The following NCKAP5L variants were observed in gnomAD, a reference collection of about 807,000 sequenced individuals.
NCKAP5L encodes the protein nck-associated protein 5-like.
NCKAP5L carries 54 observed loss-of-function variants against 103.2 expected under a neutral mutation model. That is an observed-to-expected ratio of 0.52 (90% CI 0.42 to 0.66). NCKAP5L has a LOEUF of 0.66. NCKAP5L is among the 30% of genes least tolerant of loss of function. The pLI, the probability that NCKAP5L is intolerant of heterozygous loss-of-function variation, is 0.00. For synonymous variants in NCKAP5L, 762 were observed against 748.6 expected (o/e 1.02, Z -0.29); for missense variants, 1,733 against 1,750.6 (o/e 0.99, Z 0.18).
chr12:49,811,827 CCAAATTTCAAAAAATACTCTAGATACTT>C (rs1946243506), intron 1 of NCKAP5L, among the ~76,000 whole-genome samples: 1 of 152,034 alleles, frequency 6.6e-6, no homozygotes, highest in Non-Finnish European at 1.5e-5. Flanking sequence ...CCAGATACTG[CCAAATTTCAAAAAATACTCTAGATACTT>C]CAAAGCCAAA....
At chr12:49,793,291 G>T (rs1394605031) in intron 10 of NCKAP5L, 61 bp downstream of exon 10, 3 of 1,507,280 alleles carry the variant, frequency 2.0e-6, no homozygotes, top group African/African-American at 1.4e-5. Context: ...AAGAAGTAAA[G>T]TGGGAAGAAG....
At chr12:49,793,089 C>A in intron 10 of NCKAP5L, 103 bp from the exon 11 acceptor site, 1 of 992,428 alleles carries the variant, frequency 1.0e-6, no homozygotes, top group Non-Finnish European at 1.4e-6. Flanking sequence ...TACTCAGGGC[C>A]CCTCCTGGCC....
rs1192426736 is a variant in NCKAP5L, at chr12:49,806,379, T to C, written c.-98-338A>G. 2.0e-5 allele frequency among the ~76,000 whole-genome samples: 3 copies of C among 152,392 alleles called. No homozygotes were observed. The East Asian group carries it at 5.8e-4, about 29-fold the overall frequency. On this transcript the variant is annotated intron_variant, in intron 1 of 12. Coordinates refer to ENST00000335999, the MANE Select transcript of NCKAP5L (RefSeq NM_001037806.4). ...CACCTGGTACTTTACAACCCGGTTC[T>C]ACAACATACATTGTCTTGCCTCGTG...
At position 49,793,830 on chromosome 12, in the gene NCKAP5L, C is replaced by T. The variant is rs1292922352; in HGVS notation, c.3162G>A (p.Gln1054=). ...REPKPEYGDF[Q]PVSSDPKSPW... ...GGCTCTTGGGGTCAGAAGACACCGG[C>T]TGGAAATCCCCGTACTCAGGCTTGG... Residue 1054 remains glutamine, a synonymous_variant, in exon 9 of 13, where the codon CAG becomes CAA. Coordinates refer to ENST00000335999, the MANE Select transcript of NCKAP5L (RefSeq NM_001037806.4). 6.3e-6 allele frequency: 10 copies of T among 1,590,322 alleles called. No homozygotes were observed. The highest frequency in any genetic ancestry group is 8.6e-6 in the Non-Finnish European group (10 of 1,168,844).
intron 6 of NCKAP5L, among the ~76,000 whole-genome samples, chr12:49,801,226 C>T (rs1220081829): frequency 6.6e-6 from 1 of 152,198 alleles, no homozygotes; most frequent in Non-Finnish European, 1.5e-5. Context: ...AAGGGGCTGG[C>T]TAACCTCAGA....
intron 1 of NCKAP5L, among the ~76,000 whole-genome samples, chr12:49,827,780 C>T (rs1946435443): frequency 6.6e-6 from 1 of 152,222 alleles, no homozygotes; most frequent in Non-Finnish European, 1.5e-5. Flanking sequence ...GAGACCCGGT[C>T]TTTCCGCCTC....
At chr12:49,813,914 C>T (rs1207686239) in intron 1 of NCKAP5L, among the ~76,000 whole-genome samples, 1 of 152,058 alleles carries the variant, frequency 6.6e-6, no homozygotes, top group Non-Finnish European at 1.5e-5. Flanking sequence ...TAACTTCAGA[C>T]TCCTAGGCTC....
Position 49,796,814 on chromosome 12 carries a change from G to T in NCKAP5L, c.1046C>A (p.Pro349Gln). ...LQAFLAGAAGPLNGDHPGPGQ... is the reference protein window; with the variant it reads ...LQAFLAGAAGQLNGDHPGPGQ... ...AGGACCTGGGTGGTCCCCATTGAGT[G>T]GGCCTGCAGCCCCGGCCAGGAAGGC... The change falls in exon 8 of 13, where the codon CCA (proline) becomes CAA (glutamine). Residue 349 changes from proline (P) to glutamine (Q), a missense_variant. By Grantham distance (76) the Pro-to-Gln change is moderately conservative. Transcript: ENST00000335999. 1 of 1,613,496 alleles carries T rather than the reference G, an allele frequency of 6.2e-7. No homozygotes were observed. Among genetic ancestry groups the T allele is most frequent in the Non-Finnish European group, 8.5e-7 (1 of 1,179,812 alleles).
At chr12:49,818,396 G>A (rs1294015825) in intron 1 of NCKAP5L, among the ~76,000 whole-genome samples, 2 of 141,664 alleles carry the variant, frequency 1.4e-5, no homozygotes, top group Non-Finnish European at 1.6e-5. Context: ...AGGCTGGAGT[G>A]CAGGCTGGTT....
chr12:49,793,735 T>A lies in NCKAP5L; in HGVS notation c.3257A>T (p.Lys1086Met). 1 of 1,548,944 alleles carries A rather than the reference T, an allele frequency of 6.5e-7. No individual in the cohort carries two copies. The highest frequency in any genetic ancestry group is 8.7e-7 in the Non-Finnish European group (1 of 1,147,824). The change falls in exon 9 of 13, where the codon AAG becomes ATG. Residue 1086 changes from lysine (K) to methionine (M), a missense_variant and splice_region_variant. Transcript: ENST00000335999. Reference protein sequence around the residue: ...PLQGCGKPPGKPSSEPGRREE... With the variant: ...PLQGCGKPPGMPSSEPGRREE... ...CCAGTCCCTACCCCAAGAACTTACCTTTCCAGGAGGTTTTCCGCAGCCCTG... is the reference window on the plus strand; with the variant it reads ...CCAGTCCCTACCCCAAGAACTTACCATTCCAGGAGGTTTTCCGCAGCCCTG...
chr12:49,808,165 C>T (rs1193871508), intron 1 of NCKAP5L, among the ~76,000 whole-genome samples: 1 of 152,196 alleles, frequency 6.6e-6, no homozygotes, highest in Non-Finnish European at 1.5e-5. Flanking sequence ...GGCATGGCCC[C>T]GATCCACAGC....
At chr12:49,814,411 G>A (rs570665375) in intron 1 of NCKAP5L, among the ~76,000 whole-genome samples, 8 of 150,710 alleles carry the variant, frequency 5.3e-5, no homozygotes, top group Admixed American at 5.3e-4. Flanking sequence ...GTGAACCCGG[G>A]AGGTGGAGGC....
intron 1 of NCKAP5L, among the ~76,000 whole-genome samples, chr12:49,823,741 C>T (rs182540873): frequency 2.8e-4 from 42 of 152,112 alleles, no homozygotes; most frequent in African/African-American, 9.9e-4. Context: ...CTCTTCTCAG[C>T]AGCTGCTGGT....
rs1458137120 is a variant in NCKAP5L at position 49,795,902 on chromosome 12, GGTC to G, written c.1955_1957del (p.Arg652del). ...CAGAGGTGTGCTGCCAGGATCCCCAGGTCGCCGTCCTGACCCCTGGCTGGGCTT... is the reference window on the plus strand; with the variant it reads ...CAGAGGTGTGCTGCCAGGATCCCCAGGCCGTCCTGACCCCTGGCTGGGCTT... On this transcript the variant is annotated inframe_deletion, in exon 8 of 13. Coordinates refer to ENST00000335999, the MANE Select transcript of NCKAP5L (RefSeq NM_001037806.4). 3.9e-6 allele frequency: 6 copies of G among 1,536,800 alleles called. No individual in the cohort carries two copies. The highest frequency in any genetic ancestry group is 5.2e-6 in the Non-Finnish European group (6 of 1,148,686).
Position 49,792,477 on chromosome 12 carries a change from C to T in NCKAP5L, c.3761G>A (p.Arg1254Gln), listed in dbSNP as rs199863130. The stretch of plus-strand genomic sequence containing the variant: ...GGTCCTGGGCAGCCCCTCCAGTTGT[C>T]GGGGTGGGCACATGAGAGGGTCCGA... ...SSSDPLMCPP[R>Q]QLEGLPRTPM... The change falls in exon 12 of 13, where the codon CGA becomes CAA. Residue 1254 changes from arginine to glutamine, a missense_variant. Physicochemically the swap from Arg to Gln is conservative, Grantham distance 43 (BLOSUM62 1). Transcript: ENST00000335999. This position sits in a 1 kb window ranked among gnomAD's most constrained non-coding sequence, Gnocchi z 4.5. 1.9e-5 allele frequency: 31 copies of T among 1,613,266 alleles called. No homozygotes were observed. The African/African-American group carries it at 2.0e-4, about 10-fold the overall frequency.
chr12:49,801,668 C>G (rs1946119233), intron 6 of NCKAP5L, among the ~76,000 whole-genome samples, 180 bp downstream of exon 6: 1 of 152,172 alleles, frequency 6.6e-6, no homozygotes, highest in South Asian at 2.1e-4. Flanking sequence ...TGGTGGGGAG[C>G]ACTGGGAGGA....
chr12:49,794,829 C>A lies in NCKAP5L; in HGVS notation c.3031G>T (p.Val1011Leu). 6.5e-7 allele frequency: 1 copy of A among 1,541,962 alleles called. No individual in the cohort carries two copies. Among genetic ancestry groups the A allele is most frequent in the Non-Finnish European group, 8.7e-7 (1 of 1,144,494 alleles). Residue 1011 changes from valine to leucine, a missense_variant, in exon 8 of 13, where the codon GTG becomes TTG. Coordinates refer to ENST00000335999, the MANE Select transcript of NCKAP5L (RefSeq NM_001037806.4). ...TACATGCCAGCCAGCTGGCCCTGCACCTGCCCCAGCCCCGTGTTGGGCCCT... is the reference window on the plus strand; with the variant it reads ...TACATGCCAGCCAGCTGGCCCTGCAACTGCCCCAGCCCCGTGTTGGGCCCT... ...APGPNTGLGQ[V>L]QGQLAGMYQG...
Position 49,803,175 on chromosome 12 carries a change from T to TGAGGGAGGAAGAGGGCAAA in NCKAP5L, c.124-29_124-11dup, listed in dbSNP as rs544792773. 3.7e-4 allele frequency: 596 copies of TGAGGGAGGAAGAGGGCAAA among 1,613,694 alleles called. 2 individuals are homozygous for TGAGGGAGGAAGAGGGCAAA. The African/African-American group carries it at 7.1e-3, about 19-fold the overall frequency. On this transcript the variant is annotated splice_polypyrimidine_tract_variant and intron_variant, in intron 3 of 12. Transcript: ENST00000335999. ...GTGCCGAGTTCTCTGCCTGCAGGAGTGAGGGAGGAAGAGGGCAAAAAGGTG... is the reference window on the plus strand; with the variant it reads ...GTGCCGAGTTCTCTGCCTGCAGGAGTGAGGGAGGAAGAGGGCAAAGAGGGAGGAAGAGGGCAAAAAGGTG...
At chr12:49,809,090 C>G (rs2137022966) in intron 1 of NCKAP5L, among the ~76,000 whole-genome samples, 1 of 152,138 alleles carries the variant, frequency 6.6e-6, no homozygotes, top group Non-Finnish European at 1.5e-5. Context: ...AAGGAGGAAA[C>G]TTGCTCAGGG....
Sources: allele counts gnomAD v4.1 joint callset (sites outside exome capture counted in the v4.1 genomes callset), GRCh38; gene constraint gnomAD v4.1.1; non-coding constraint Gnocchi (gnomAD v3.1); transcripts MANE v1.5; gene names NCBI Gene and HGNC (gene_info 2026-07-23, HGNC 2026-07-21).